The following UCHL3 variants were observed in gnomAD, a reference collection of about 807,000 sequenced individuals.
UCHL3 encodes ubiquitin carboxyl-terminal hydrolase isozyme L3.
UCHL3 carries 22 observed loss-of-function variants against 35.8 expected under a neutral mutation model. The observed-to-expected ratio is 0.61, with a 90% CI of 0.44 to 0.88. The LOEUF (loss-of-function observed/expected upper bound fraction) is 0.88. UCHL3 is among the 40% of genes least tolerant of loss of function. The pLI is 0.00. For synonymous variants in UCHL3, 90 were observed against 92.8 expected, an observed-to-expected ratio of 0.97 and a Z score of 0.17; for missense variants, 229 against 276.9, an observed-to-expected ratio of 0.83 and a Z score of 1.23.
At chr13:75,592,444 A>ATATG (rs2032520195) in intron 6 of UCHL3, among the ~76,000 whole-genome samples, 1 of 108,810 alleles carries the variant, frequency 9.2e-6, no homozygotes, top group African/African-American at 3.6e-5. Context: ...ATATATATAT[A>ATATG]TATATATATA....
At chr13:75,591,152 G>T (rs377631097) in intron 6 of UCHL3, among the ~76,000 whole-genome samples, 1 of 152,196 alleles carries the variant, frequency 6.6e-6, no homozygotes, top group Non-Finnish European at 1.5e-5. Context: ...TCAATGGCAA[G>T]CATTCTTTCC....
At position 75,592,419 on chromosome 13, in the gene UCHL3, T is replaced by TATATATATATGTATATAC. The variant is rs1566227784; in HGVS notation, c.475-2486_475-2485insGTATATACATATATATAT. ...GTGGAATTTTAATTTTTCCTTCATA[T>TATATATATATGTATATAC]ATATATATATATATATATATATATA... is the stretch of plus-strand genomic sequence containing the variant. On this transcript the variant is annotated intron_variant, in intron 6 of 8. Coordinates refer to ENST00000377595, the MANE Select transcript of UCHL3 (RefSeq NM_006002.5). Among the ~76,000 whole-genome samples the TATATATATATGTATATAC allele has an allele frequency of 5.9e-4, 25 of 42,242 alleles. 4 individuals carry two copies. Among genetic ancestry groups the TATATATATATGTATATAC allele is most frequent in the African/African-American group, 3.1e-3 (23 of 7,352 alleles). 27.7% of individuals were successfully genotyped at this position (42,242 alleles called of 152,430 possible). A position where few individuals can be genotyped will look rare whatever the true frequency, so the allele number is the denominator to read the frequency against.
intron 6 of UCHL3, among the ~76,000 whole-genome samples, chr13:75,594,405 G>A (rs1249884521): frequency 6.6e-6 from 1 of 152,100 alleles, no homozygotes; most frequent in African/African-American, 2.4e-5. Flanking sequence ...CTCAAAGACT[G>A]TTTACACTGC....
intron 2 of UCHL3, among the ~76,000 whole-genome samples, chr13:75,560,075 G>C (rs1174305897): frequency 6.6e-6 from 1 of 152,162 alleles, no homozygotes; most frequent in African/African-American, 2.4e-5. Flanking sequence ...CAGGAAGCCA[G>C]TAGTTTACTT....
chr13:75,564,252 G>A lies in UCHL3; in HGVS notation c.184-2443G>A, dbSNP rs574896219. Among the ~76,000 whole-genome samples, 38 of 151,784 alleles carry A rather than the reference G, an allele frequency of 2.5e-4. No individual in the cohort carries two copies. In the East Asian group the frequency reaches 7.0e-3, roughly 28 times the overall value. On this transcript the variant is annotated intron_variant, in intron 3 of 8. Transcript: ENST00000377595. ...TGCAAGCTCCGCCTCCTGGGTTCGC[G>A]CCATTCTCCCACCTCAGCCTCCCGA...
chr13:75,578,453 C>G (rs1446464126), intron 6 of UCHL3, among the ~76,000 whole-genome samples: 1 of 151,996 alleles, frequency 6.6e-6, no homozygotes, highest in African/African-American at 2.4e-5. Context: ...AATCAGATAA[C>G]CTGTTTGAGC....
chr13:75,596,189 A>C (rs2032641795), intron 7 of UCHL3, among the ~76,000 whole-genome samples: 1 of 152,234 alleles, frequency 6.6e-6, no homozygotes, highest in African/African-American at 2.4e-5. Context: ...ATACTTTATT[A>C]AAAAGAAATG....
chr13:75,550,783 T>C (rs963188426), intron 2 of UCHL3, among the ~76,000 whole-genome samples: 4 of 149,802 alleles, frequency 2.7e-5, no homozygotes, highest in Non-Finnish European at 4.4e-5. Flanking sequence ...TAGTTTATCA[T>C]ACTCCCTTTA....
chr13:75,600,520 C>G (rs2032754736), intron 7 of UCHL3, among the ~76,000 whole-genome samples: 1 of 152,200 alleles, frequency 6.6e-6, no homozygotes, highest in Non-Finnish European at 1.5e-5. Context: ...TAAATCTTCT[C>G]TGCCTATGTT....
chr13:75,571,716 A>C (rs2031862181), intron 6 of UCHL3, among the ~76,000 whole-genome samples: 2 of 152,142 alleles, frequency 1.3e-5, no homozygotes, highest in African/African-American at 4.8e-5. Flanking sequence ...AGTGATTCTC[A>C]AGATGGAGTG....
intron 6 of UCHL3, among the ~76,000 whole-genome samples, chr13:75,582,505 T>C (rs1377043806): frequency 1.3e-5 from 2 of 152,202 alleles, no homozygotes; most frequent in Non-Finnish European, 2.9e-5. Flanking sequence ...GTTAATAGTT[T>C]TGATGAAATA....
At chr13:75,580,850 G>T (rs867109548) in intron 6 of UCHL3, among the ~76,000 whole-genome samples, 1 of 152,180 alleles carries the variant, frequency 6.6e-6, no homozygotes, top group Non-Finnish European at 1.5e-5. Context: ...GCAACAAAAC[G>T]TGTAGGTAAT....
intron 6 of UCHL3, among the ~76,000 whole-genome samples, chr13:75,584,441 A>G (rs1320803856): frequency 1.3e-5 from 2 of 152,196 alleles, no homozygotes; most frequent in Non-Finnish European, 2.9e-5. Context: ...TTTTAAACCA[A>G]TGGTATTCTC....
intron 5 of UCHL3, among the ~76,000 whole-genome samples, chr13:75,568,141 T>C (rs879892043): frequency 1.3e-4 from 20 of 152,192 alleles, no homozygotes; most frequent in African/African-American, 1.9e-4. Flanking sequence ...AAATGGTTTT[T>C]AAAATTTATT....
chr13:75,562,598 T>C (rs566055233), intron 3 of UCHL3, among the ~76,000 whole-genome samples: 1 of 152,250 alleles, frequency 6.6e-6, no homozygotes, highest in East Asian at 1.9e-4. Context: ...ATAGGAGTTT[T>C]TTTGTCTGAA....
In UCHL3 at chr13:75,566,870, C is replaced by G. The variant is rs200250580; in HGVS notation, c.340+19C>G. The G allele has an allele frequency of 4.5e-4, 705 of 1,575,982 alleles. 1 individual carries two copies. In the Middle Eastern group the frequency reaches 9.5e-3, roughly 21 times the overall value. ...CACTTTGGTAAATGATTTTTCATTA[C>G]TGCATTTTTTCCCCCTTAAGATACA... is the stretch of plus-strand genomic sequence containing the variant. On this transcript the variant is annotated intron_variant, in intron 4 of 8. Transcript: ENST00000377595.
chr13:75,567,045 G>T (rs1188316849), intron 4 of UCHL3, among the ~76,000 whole-genome samples, 182 bp from the exon 5 acceptor site: 5 of 152,110 alleles, frequency 3.3e-5, no homozygotes, highest in Non-Finnish European at 7.4e-5. Flanking sequence ...ACTAATAGGG[G>T]TTAAACAAAT....
chr13:75,593,230 C>CT (rs1248093682), intron 6 of UCHL3, among the ~76,000 whole-genome samples: 10 of 152,076 alleles, frequency 6.6e-5, no homozygotes, highest in African/African-American at 2.4e-4. Flanking sequence ...TCATTATAGC[C>CT]TTTTTTATTA....
chr13:75,566,497 C>T (rs887629997), intron 3 of UCHL3, among the ~76,000 whole-genome samples, 198 bp from the exon 4 acceptor site: 10 of 152,274 alleles, frequency 6.6e-5, no homozygotes, highest in African/African-American at 2.4e-4. Context: ...CCTTTTTCCC[C>T]ATACCTTCAC....
Sources: gnomAD v4.1 joint callset for allele counts (sites outside exome capture counted in the v4.1 genomes callset) on GRCh38, gnomAD v4.1.1 for gene constraint, MANE v1.5 for transcripts, NCBI Gene and HGNC (gene_info 2026-07-23, HGNC 2026-07-21) for gene names.